The following CORIN variants were observed in gnomAD, a reference collection of about 807,000 sequenced individuals.
CORIN encodes corin, serine peptidase, also known as atrial natriuretic peptide-converting enzyme.
Under a neutral mutation model 125.3 loss-of-function variants are expected in CORIN, and 117 were observed. That is an observed-to-expected ratio of 0.93 (90% CI 0.80 to 1.09). The LOEUF is 1.09. CORIN is among the 50% of genes least tolerant of loss of function. The pLI is 0.00. For missense variants in CORIN, 1,253 were observed against 1,306.7 expected, an observed-to-expected ratio of 0.96 and a Z score of 0.63; for synonymous variants, 450 against 466.4, an observed-to-expected ratio of 0.96 and a Z score of 0.45.
chr4:47,741,308 T>C (rs1728385500), intron 5 of CORIN, among the ~76,000 whole-genome samples: 1 of 152,056 alleles, frequency 6.6e-6, no homozygotes, highest in Non-Finnish European at 1.5e-5. Flanking sequence ...GGCATACAAA[T>C]GGCTAACACT....
chr4:47,757,952 C>T (rs1159654958), intron 4 of CORIN, among the ~76,000 whole-genome samples: 1 of 148,848 alleles, frequency 6.7e-6, no homozygotes, highest in Non-Finnish European at 1.5e-5. Context: ...CTCACTCCAT[C>T]GTCCAGGCTG....
chr4:47,740,423 T>C (rs774485053), intron 5 of CORIN, among the ~76,000 whole-genome samples: 2 of 151,950 alleles, frequency 1.3e-5, no homozygotes, highest in Non-Finnish European at 2.9e-5. Context: ...GATTTAAGTA[T>C]TTCTGGCTCT....
intron 5 of CORIN, chr4:47,706,637 T>C: frequency 6.2e-7 from 1 of 1,607,806 alleles, no homozygotes; most frequent in Middle Eastern, 2.0e-4. Context: ...CATCATGGTG[T>C]TAACCAGCTA....
At chr4:47,832,408 TTTTTC>T (rs1239322915) in intron 1 of CORIN, among the ~76,000 whole-genome samples, 1 of 151,644 alleles carries the variant, frequency 6.6e-6, no homozygotes, top group Non-Finnish European at 1.5e-5. Context: ...ACAGGAAAAC[TTTTTC>T]TTTTCTTTTC....
intron 21 of CORIN, among the ~76,000 whole-genome samples, chr4:47,597,836 A>G (rs991316543): frequency 6.6e-6 from 1 of 152,204 alleles, no homozygotes; most frequent in African/African-American, 2.4e-5. Flanking sequence ...GTATAAACAA[A>G]CGAATAAGGC....
chr4:47,722,139 A>G (rs761134592), intron 5 of CORIN, among the ~76,000 whole-genome samples: 41 of 152,114 alleles, frequency 2.7e-4, no homozygotes, highest in Non-Finnish European at 7.4e-5. Flanking sequence ...TTTTCATCCA[A>G]TGTTTGCCTG....
intron 5 of CORIN, among the ~76,000 whole-genome samples, chr4:47,700,589 G>A (rs1438942893): frequency 1.3e-5 from 2 of 152,208 alleles, no homozygotes; most frequent in Non-Finnish European, 2.9e-5. Flanking sequence ...TCATTCCTCA[G>A]AGAACTGCCA....
At chr4:47,618,680 A>G (rs956831602) in intron 19 of CORIN, among the ~76,000 whole-genome samples, 5 of 152,014 alleles carry the variant, frequency 3.3e-5, no homozygotes, top group Admixed American at 3.3e-4. Flanking sequence ...TTAGCCGGGC[A>G]TGGTGGTGGG....
intron 13 of CORIN, among the ~76,000 whole-genome samples, chr4:47,648,075 G>T (rs1021605326): frequency 6.6e-6 from 1 of 152,178 alleles, no homozygotes; most frequent in Non-Finnish European, 1.5e-5. Context: ...AAAAGAGAGA[G>T]ATATTAGTTA....
chr4:47,795,442 T>C (rs1211671843), intron 2 of CORIN, among the ~76,000 whole-genome samples: 1 of 152,142 alleles, frequency 6.6e-6, no homozygotes, highest in Admixed American at 6.5e-5. Flanking sequence ...TTTATTTGTG[T>C]CTGATTTAAT....
At chr4:47,836,005 C>A (rs1238007675) in intron 1 of CORIN, among the ~76,000 whole-genome samples, 1 of 152,078 alleles carries the variant, frequency 6.6e-6, no homozygotes, top group Admixed American at 6.5e-5. Flanking sequence ...AGTCCCCTCC[C>A]CCTTAAAAAA....
At chr4:47,771,043 C>T (rs975485251) in intron 3 of CORIN, among the ~76,000 whole-genome samples, 1 of 152,004 alleles carries the variant, frequency 6.6e-6, no homozygotes, top group African/African-American at 2.4e-5. Flanking sequence ...ACTCACCCCC[C>T]AAAATTATTT....
intron 1 of CORIN, among the ~76,000 whole-genome samples, chr4:47,827,188 T>C (rs1732772825): frequency 6.6e-6 from 1 of 152,134 alleles, no homozygotes; most frequent in African/African-American, 2.4e-5. Context: ...GCCTTACTTA[T>C]AAGAGAGCCC....
At chr4:47,702,696 T>C (rs1201451031) in intron 5 of CORIN, among the ~76,000 whole-genome samples, 1 of 152,176 alleles carries the variant, frequency 6.6e-6, no homozygotes, top group Non-Finnish European at 1.5e-5. Context: ...GACTTTACAA[T>C]ATTATGTATC....
At chr4:47,693,843 A>G (rs536632503) in intron 5 of CORIN, among the ~76,000 whole-genome samples, 1 of 152,358 alleles carries the variant, frequency 6.6e-6, no homozygotes, top group East Asian at 1.9e-4. Flanking sequence ...AAAATTTTTC[A>G]GGAAGACCAT....
At chr4:47,830,735 C>T (rs2109989263) in intron 1 of CORIN, among the ~76,000 whole-genome samples, 1 of 152,284 alleles carries the variant, frequency 6.6e-6, no homozygotes, top group East Asian at 1.9e-4. Flanking sequence ...TCAAACAGAA[C>T]TATGCATAAA....
intron 17 of CORIN, among the ~76,000 whole-genome samples, chr4:47,625,933 C>T (rs1204388847): frequency 1.3e-5 from 2 of 151,158 alleles, no homozygotes; most frequent in Non-Finnish European, 3.0e-5. Context: ...GGGAAGCAAC[C>T]CTGTTTAAGA....
intron 4 of CORIN, among the ~76,000 whole-genome samples, chr4:47,750,141 C>T (rs982866231): frequency 6.6e-6 from 1 of 152,082 alleles, no homozygotes; most frequent in Non-Finnish European, 1.5e-5. Flanking sequence ...CTATGATAAG[C>T]GAACAGCATT....
chr4:47,669,606 T>C (rs1440594597), intron 10 of CORIN, among the ~76,000 whole-genome samples: 2 of 151,038 alleles, frequency 1.3e-5, no homozygotes, highest in African/African-American at 4.9e-5. Context: ...TCTCGCTCTG[T>C]CACCCAGGCT....
Sources: gnomAD v4.1 joint callset for allele counts (sites outside exome capture counted in the v4.1 genomes callset) on GRCh38, gnomAD v4.1.1 for gene constraint, MANE v1.5 for transcripts, NCBI Gene and HGNC (gene_info 2026-07-23, HGNC 2026-07-21) for gene names.